The following MYO18B variants were observed in gnomAD, a reference collection of about 807,000 sequenced individuals.
The protein encoded by MYO18B is myosin XVIIIB.
MYO18B carries 204 observed loss-of-function variants against 273.0 expected under a neutral mutation model. The observed-to-expected ratio is 0.75, with a 90% CI of 0.67 to 0.84. The LOEUF (loss-of-function observed/expected upper bound fraction) is 0.84, where lower values mean the gene tolerates loss of function less well. Ranked by LOEUF, MYO18B falls within the 40% of genes least tolerant of loss-of-function variation. The pLI is 0.00. For missense variants in MYO18B, 3,212 were observed against 3,287.6 expected (o/e 0.98, Z 0.56); for synonymous variants, 1,330 against 1,305.7 (o/e 1.02, Z -0.40).
Position 25,761,049 on chromosome 22 carries a change from C to G in MYO18B, c.-44C>G. 1 of 1,609,610 alleles carries G rather than the reference C, an allele frequency of 6.2e-7. No individual in the cohort carries two copies. On this transcript the variant is annotated 5_prime_UTR_variant, in exon 2 of 44. Coordinates refer to ENST00000335473, the MANE Select transcript of MYO18B (RefSeq NM_032608.7). ...TCATTCCGTGCTGTCTGGCAGGAAG[C>G]TCCATCTCATCTCATCATCTCACGG...
At chr22:25,760,578 A>G (rs2086280569) in intron 1 of MYO18B, among the ~76,000 whole-genome samples, 1 of 152,122 alleles carries the variant, frequency 6.6e-6, no homozygotes, top group African/African-American at 2.4e-5. Flanking sequence ...CTTCTTCCCA[A>G]CCAAAAGCGA....
chr22:26,005,685 A>G (rs1311836006), intron 42 of MYO18B, among the ~76,000 whole-genome samples: 1 of 152,184 alleles, frequency 6.6e-6, no homozygotes, highest in African/African-American at 2.4e-5. Context: ...GTTTTTGTGA[A>G]CAGAAGGCCC....
chr22:25,967,975 C>G (rs1009683841), intron 39 of MYO18B, among the ~76,000 whole-genome samples: 1 of 152,200 alleles, frequency 6.6e-6, no homozygotes, highest in Non-Finnish European at 1.5e-5. Flanking sequence ...CTCATCCCCA[C>G]AGTCAGTTTT....
rs133878 is a variant in MYO18B, at chr22:25,761,342, G to C, written c.39+211G>C. On this transcript the variant is annotated intron_variant, in intron 2 of 43. Coordinates refer to ENST00000335473, the MANE Select transcript of MYO18B (RefSeq NM_032608.7). ...GGACACTGATGGCCATACCCTTGAC[G>C]CCCCCCCGAGGGCTGCCTGGTTGTT... is the stretch of plus-strand genomic sequence containing the variant. Among the ~76,000 whole-genome samples, 5,503 of 41,792 alleles carry C rather than the reference G, an allele frequency of 0.13. 331 individuals are homozygous for C. The highest frequency in any genetic ancestry group is 0.48 in the African/African-American group (5,142 of 10,628). 27.4% of individuals were successfully genotyped at this position (41,792 alleles called of 152,430 possible).
At chr22:25,877,562 G>A (rs1412825221) in intron 24 of MYO18B, among the ~76,000 whole-genome samples, 2 of 152,092 alleles carry the variant, frequency 1.3e-5, no homozygotes, top group African/African-American at 4.8e-5. Flanking sequence ...CCATCTCCGG[G>A]GTTCAAGTGA....
At chr22:25,888,078 G>A (rs1344875133) in intron 25 of MYO18B, among the ~76,000 whole-genome samples, 2 of 152,282 alleles carry the variant, frequency 1.3e-5, no homozygotes, top group East Asian at 3.9e-4. Flanking sequence ...ACAGCCTTAA[G>A]CAAATCTAAC....
At chr22:25,983,800 A>G (rs1027340237) in intron 39 of MYO18B, among the ~76,000 whole-genome samples, 1 of 152,190 alleles carries the variant, frequency 6.6e-6, no homozygotes, top group Non-Finnish European at 1.5e-5. Context: ...CTCCTCCTCC[A>G]TGAAGCCCAT....
intron 39 of MYO18B, chr22:25,983,200 C>A (rs924082701): frequency 6.6e-6 from 1 of 152,038 alleles, no homozygotes; most frequent in Non-Finnish European, 1.5e-5. Flanking sequence ...GAGACCCCAT[C>A]TCTAAAAAAA....
intron 34 of MYO18B, among the ~76,000 whole-genome samples, chr22:25,924,018 A>G (rs1365901829): frequency 6.6e-6 from 1 of 152,190 alleles, no homozygotes; most frequent in Non-Finnish European, 1.5e-5. Context: ...TAGTCTCTGC[A>G]TCCGGCTCCT....
chr22:25,939,438 A>C (rs1407663025), intron 34 of MYO18B, among the ~76,000 whole-genome samples: 1 of 152,188 alleles, frequency 6.6e-6, no homozygotes, highest in Admixed American at 6.5e-5. Context: ...TCTTGCCCAG[A>C]CTTTCCAAGC....
chr22:25,753,538 T>C (rs562440081), intron 1 of MYO18B, among the ~76,000 whole-genome samples: 2 of 152,074 alleles, frequency 1.3e-5, no homozygotes, highest in Admixed American at 1.3e-4. Context: ...TCCTTCCGCG[T>C]TGTGGGGTGG....
At chr22:25,997,713 G>A (rs1050928783) in intron 40 of MYO18B, among the ~76,000 whole-genome samples, 1 of 152,082 alleles carries the variant, frequency 6.6e-6, no homozygotes, top group Non-Finnish European at 1.5e-5. Context: ...TATTTGTGTT[G>A]CTAGGCTGTA....
At chr22:25,868,139 A>G (rs572055696) in intron 21 of MYO18B, among the ~76,000 whole-genome samples, 181 bp from the exon 22 acceptor site, 1 of 152,318 alleles carries the variant, frequency 6.6e-6, no homozygotes, top group African/African-American at 2.4e-5. Flanking sequence ...AGTGGATGGC[A>G]CACAGTAGGT....
intron 37 of MYO18B, 70 bp downstream of exon 37, chr22:25,950,520 G>GTGTGTGTATGTGTGTA: frequency 8.0e-6 from 4 of 499,568 alleles, no homozygotes; most frequent in Non-Finnish European, 1.0e-5. Flanking sequence ...CTAATAGGAT[G>GTGTGTGTATGTGTGTA]TGTGTGTGTG....
intron 7 of MYO18B, among the ~76,000 whole-genome samples, chr22:25,774,975 A>C (rs939624613): frequency 6.6e-6 from 1 of 152,258 alleles, no homozygotes; most frequent in Non-Finnish European, 1.5e-5. Flanking sequence ...GTGCAAGGGC[A>C]CATGTACACA....
intron 40 of MYO18B, 23 bp from the exon 41 acceptor site, chr22:26,003,242 C>T (rs1296795175): frequency 1.2e-6 from 2 of 1,602,576 alleles, no homozygotes; most frequent in Admixed American, 1.7e-5. Context: ...GGATAACACA[C>T]TCTTTCTTGT....
At chr22:25,837,118 C>G (rs2089928645) in intron 17 of MYO18B, among the ~76,000 whole-genome samples, 1 of 151,986 alleles carries the variant, frequency 6.6e-6, no homozygotes. Context: ...GATGGAGCAC[C>G]TAATATGTGG....
chr22:25,757,103 T>C (rs1189155251), intron 1 of MYO18B, among the ~76,000 whole-genome samples: 4 of 152,158 alleles, frequency 2.6e-5, no homozygotes, highest in African/African-American at 7.2e-5. Context: ...TATAGTCATA[T>C]AGTGCTATAG....
chr22:25,823,515 G>A lies in MYO18B; in HGVS notation c.2532G>A (p.Lys844=). ...TTGTCCCCTTTGCAGTGGGTCGGAA[G>A]CAGTTCATGAGGTTTGAGTGGGCAA... is the stretch of plus-strand genomic sequence containing the variant. ...GAAGACKVGR[K]QFMRFEWANY... The change falls in exon 13 of 44, where the codon AAG becomes AAA. Residue 844 remains lysine (K), a synonymous_variant. Coordinates refer to ENST00000335473, the MANE Select transcript of MYO18B (RefSeq NM_032608.7). The A allele has an allele frequency of 1.2e-6, 2 of 1,613,930 alleles. No homozygotes were observed. Among genetic ancestry groups the A allele is most frequent in the Non-Finnish European group, 1.7e-6 (2 of 1,179,854 alleles).
Sources: allele counts gnomAD v4.1 joint callset (sites outside exome capture counted in the v4.1 genomes callset), GRCh38; gene constraint gnomAD v4.1.1; transcripts MANE v1.5; gene names NCBI Gene and HGNC (gene_info 2026-07-23, HGNC 2026-07-21).